The following PDAP1 variants were observed in gnomAD, a reference collection of about 807,000 sequenced individuals.
PDAP1 encodes the protein PDGFA associated protein 1.
In PDAP1, 13 loss-of-function variants were observed where a neutral mutation model predicts 28.0. The ratio of observed to expected loss-of-function variants is 0.46; its 90% CI spans 0.30 to 0.74. PDAP1 has a LOEUF of 0.74. Among genes scored for constraint, PDAP1 ranks in the 30% least tolerant of loss-of-function variants. PDAP1 has a pLI of 0.07. For missense variants in PDAP1, 150 were observed against 230.0 expected (o/e 0.65, Z 2.25); for synonymous variants, 77 against 85.1 (o/e 0.91, Z 0.52).
chr7:99,398,224 G>A (rs144066657), intron 4 of PDAP1, among the ~76,000 whole-genome samples: 20 of 152,342 alleles, frequency 1.3e-4, no homozygotes, highest in African/African-American at 4.3e-4. Flanking sequence ...AAACATCTGC[G>A]ATGTCCAGAA....
chr7:99,403,977 A>C (rs950924689), intron 2 of PDAP1, among the ~76,000 whole-genome samples: 2 of 151,974 alleles, frequency 1.3e-5, no homozygotes, highest in Non-Finnish European at 2.9e-5. Context: ...ACCCACCCAC[A>C]CAGGTGACCT....
At chr7:99,404,438 G>C (rs1267268910) in intron 2 of PDAP1, among the ~76,000 whole-genome samples, 1 of 152,162 alleles carries the variant, frequency 6.6e-6, no homozygotes, top group African/African-American at 2.4e-5. Context: ...CGTCTCCAGG[G>C]ATGGAGAGCA....
chr7:99,398,128 CCTGG>C, intron 4 of PDAP1, 115 bp from the exon 5 acceptor site: 1 of 1,205,488 alleles, frequency 8.3e-7, no homozygotes, highest in Non-Finnish European at 1.2e-6. Context: ...GAAGGGGTGC[CCTGG>C]CTGTGAGTCC....
chr7:99,406,178 G>A (rs1268219544), intron 1 of PDAP1, among the ~76,000 whole-genome samples: 1 of 152,162 alleles, frequency 6.6e-6, no homozygotes, highest in African/African-American at 2.4e-5. Context: ...GAACCCAGGA[G>A]GCAGAGGTTG....
Position 99,408,563 on chromosome 7 carries a change from C to T in PDAP1, c.-15G>A. The stretch of plus-strand genomic sequence containing the variant: ...CCTTTAGGCATTGCGGCTCCGGCGG[C>T]TGCGGCGGCGGCGGCGGCGCCTCGA... On this transcript the variant is annotated 5_prime_UTR_variant, in exon 1 of 6. Coordinates refer to ENST00000350498, the MANE Select transcript of PDAP1 (RefSeq NM_014891.7). 1 of 1,274,174 alleles carries T rather than the reference C, an allele frequency of 7.8e-7. No individual in the cohort carries two copies. Among genetic ancestry groups the T allele is most frequent in the Non-Finnish European group, 9.9e-7 (1 of 1,007,946 alleles). 78.9% of individuals were successfully genotyped at this position (1,274,174 alleles called of 1,614,324 possible).
At chr7:99,402,475 G>A (rs955123235) in intron 3 of PDAP1, among the ~76,000 whole-genome samples, 2 of 150,294 alleles carry the variant, frequency 1.3e-5, no homozygotes, top group South Asian at 2.1e-4. Flanking sequence ...ATGTGGTGGC[G>A]TGTGCCTTTG....
Position 99,396,673 on chromosome 7 carries a change from G to T in PDAP1, c.*9C>A. 2.5e-6 allele frequency: 4 copies of T among 1,610,000 alleles called. No homozygotes were observed. The highest frequency in any genetic ancestry group is 3.4e-6 in the Non-Finnish European group (4 of 1,178,066). On this transcript the variant is annotated 3_prime_UTR_variant, in exon 6 of 6. Coordinates refer to ENST00000350498, the MANE Select transcript of PDAP1 (RefSeq NM_014891.7). ...CCAGGTCCCCGGCATCTCCTCCCACGGGTCGCAGTTACTTATTCAGGGAGA... is the reference window on the plus strand; with the variant it reads ...CCAGGTCCCCGGCATCTCCTCCCACTGGTCGCAGTTACTTATTCAGGGAGA...
At position 99,395,386 on chromosome 7, in the gene PDAP1, G is replaced by C. The variant is rs1396556073; in HGVS notation, c.*1296C>G. 6.6e-6 allele frequency: 1 copy of C among 152,280 alleles called. No homozygotes were observed. Among genetic ancestry groups the C allele is most frequent in the East Asian group, 1.9e-4 (1 of 5,174 alleles). 9.4% of individuals were successfully genotyped at this position (152,280 alleles called of 1,614,324 possible). On this transcript the variant is annotated 3_prime_UTR_variant, in exon 6 of 6. Transcript: ENST00000350498. Reference sequence around the variant, plus strand: ...GGCTGGTCTTGAACTCCTGACCTCAGATGATCCACCCACCTCACCTCCCAA... The same window carrying C: ...GGCTGGTCTTGAACTCCTGACCTCACATGATCCACCCACCTCACCTCCCAA...
chr7:99,400,271 C>T (rs374897002), intron 4 of PDAP1, 32 bp downstream of exon 4: 86 of 1,611,342 alleles, frequency 5.3e-5, no homozygotes, highest in Non-Finnish European at 6.7e-5. Context: ...GCCTGTATTC[C>T]CCGTGACACA....
At chr7:99,408,390 G>A (rs777619448) in intron 1 of PDAP1, 146 bp downstream of exon 1, 2 of 617,920 alleles carry the variant, frequency 3.2e-6, no homozygotes, top group Non-Finnish European at 4.7e-6. Flanking sequence ...GGACAATTGG[G>A]CGTCGAGGCC....
chr7:99,399,072 T>G (rs1452699079), intron 4 of PDAP1, among the ~76,000 whole-genome samples: 1 of 151,944 alleles, frequency 6.6e-6, no homozygotes, highest in East Asian at 1.9e-4. Flanking sequence ...AAGAGCCAAG[T>G]GCTGGAGGAG....
intron 3 of PDAP1, among the ~76,000 whole-genome samples, chr7:99,401,823 A>C (rs1794872883): frequency 6.6e-6 from 1 of 151,292 alleles, no homozygotes; most frequent in Non-Finnish European, 1.5e-5. Context: ...CAGCCTCCCA[A>C]GTAGCTGGGA....
At chr7:99,404,716 C>T in intron 2 of PDAP1, 146 bp downstream of exon 2, 1 of 601,218 alleles carries the variant, frequency 1.7e-6, no homozygotes, top group South Asian at 2.0e-5. Context: ...TGTTCTGAGA[C>T]TCACACCTGG....
At chr7:99,400,964 C>T (rs568120601) in intron 3 of PDAP1, among the ~76,000 whole-genome samples, 2 of 152,272 alleles carry the variant, frequency 1.3e-5, no homozygotes, top group African/African-American at 4.8e-5. Context: ...GAATCTGCAC[C>T]TTCCACCTCC....
At chr7:99,405,355 G>A (rs894454695) in intron 1 of PDAP1, among the ~76,000 whole-genome samples, 2 of 151,024 alleles carry the variant, frequency 1.3e-5, no homozygotes. Flanking sequence ...CACAGCCAGG[G>A]GCACTTTTTT....
chr7:99,400,285 C>T lies in PDAP1; in HGVS notation c.335+18G>A. On this transcript the variant is annotated intron_variant, in intron 4 of 5. Coordinates refer to ENST00000350498, the MANE Select transcript of PDAP1 (RefSeq NM_014891.7). ...GGCCTGTATTCCCCGTGACACAAGG[C>T]CCAGCCAGTGATGTTACCGTTCTCT... 1 of 1,612,600 alleles carries T rather than the reference C, an allele frequency of 6.2e-7. No homozygotes were observed. Among genetic ancestry groups the T allele is most frequent in the South Asian group, 1.1e-5 (1 of 90,998 alleles).
Position 99,400,373 on chromosome 7 carries a change from C to G in PDAP1, c.265G>C (p.Val89Leu). 6.2e-7 allele frequency: 1 copy of G among 1,614,094 alleles called. No individual in the cohort carries two copies. The highest frequency in any genetic ancestry group is 8.5e-7 in the Non-Finnish European group (1 of 1,179,966). ...GLIDIENPNRVAQTTKKVTQL... is the reference protein window; with the variant it reads ...GLIDIENPNRLAQTTKKVTQL... Reference sequence around the variant, plus strand: ...GTGACCTTTTTGGTTGTCTGTGCCACCCGGTTGGGGTTCTCGATGTCGATG... The same window carrying G: ...GTGACCTTTTTGGTTGTCTGTGCCAGCCGGTTGGGGTTCTCGATGTCGATG... Residue 89 changes from valine to leucine, a missense_variant, in exon 4 of 6, where the codon GTG (valine) becomes CTG (leucine). By Grantham distance (32) the Val-to-Leu change is conservative. Transcript: ENST00000350498.
At chr7:99,405,172 G>A (rs894725655) in intron 1 of PDAP1, among the ~76,000 whole-genome samples, 1 of 152,162 alleles carries the variant, frequency 6.6e-6, no homozygotes, top group Non-Finnish European at 1.5e-5. Context: ...ACTAAATGCT[G>A]GCTCCTACAC....
chr7:99,407,131 C>T (rs1794986229), intron 1 of PDAP1, among the ~76,000 whole-genome samples: 1 of 152,170 alleles, frequency 6.6e-6, no homozygotes, highest in South Asian at 2.1e-4. Context: ...TGGAAACAAG[C>T]GTTGGTCCTT....
Sources: allele counts gnomAD v4.1 joint callset (sites outside exome capture counted in the v4.1 genomes callset), GRCh38; gene constraint gnomAD v4.1.1; transcripts MANE v1.5; gene names NCBI Gene and HGNC (gene_info 2026-07-23, HGNC 2026-07-21).